The following AUTS2 variants were observed in gnomAD, a reference collection of about 807,000 sequenced individuals.
AUTS2 encodes the protein autism susceptibility gene 2 protein.
A neutral mutation model predicts 112.4 loss-of-function variants in AUTS2; 17 were observed. The ratio of observed to expected loss-of-function variants is 0.15; its 90% CI spans 0.10 to 0.23. AUTS2 has a LOEUF of 0.23. Among genes scored for constraint, AUTS2 ranks in the 10% least tolerant of loss-of-function variants. AUTS2 has a pLI of 1.00. For synonymous variants in AUTS2, 751 were observed against 702.7 expected, an observed-to-expected ratio of 1.07 and a Z score of -1.09; for missense variants, 1,510 against 1,701.6, an observed-to-expected ratio of 0.89 and a Z score of 1.98.
At chr7:69,810,150 G>A (rs1334583912) in intron 1 of AUTS2, among the ~76,000 whole-genome samples, 4 of 152,062 alleles carry the variant, frequency 2.6e-5, no homozygotes, top group Non-Finnish European at 5.9e-5. Context: ...CTCCCACCAT[G>A]CCCACCTCTC....
intron 5 of AUTS2, among the ~76,000 whole-genome samples, chr7:70,505,858 G>A (rs1798938947): frequency 6.6e-6 from 1 of 152,184 alleles, no homozygotes; most frequent in Non-Finnish European, 1.5e-5. Flanking sequence ...AGGCCGGGAT[G>A]GGGACCAAAG....
At chr7:70,396,951 T>G (rs1794112517) in intron 4 of AUTS2, among the ~76,000 whole-genome samples, 1 of 152,228 alleles carries the variant, frequency 6.6e-6, no homozygotes, top group South Asian at 2.1e-4. Flanking sequence ...AATGTCAAAC[T>G]GTTTTCCAGA....
chr7:70,608,557 T>C lies in AUTS2; in HGVS notation c.691-90012T>C, dbSNP rs113763638. On this transcript the variant is annotated intron_variant, in intron 5 of 18. Coordinates refer to ENST00000342771, the MANE Select transcript of AUTS2 (RefSeq NM_015570.4). ...TTTATTTGCTATTTTCTTATTGGGATAACTTTTTCAGAGCAGCCTCCCCCC... is the reference window on the plus strand; with the variant it reads ...TTTATTTGCTATTTTCTTATTGGGACAACTTTTTCAGAGCAGCCTCCCCCC... Among the ~76,000 whole-genome samples the C allele has an allele frequency of 6.7e-4, 102 of 152,344 alleles. 1 individual carries two copies. The highest frequency in any genetic ancestry group is 2.2e-3 in the African/African-American group (92 of 41,582).
chr7:69,642,517 G>T (rs1450407789), intron 1 of AUTS2, among the ~76,000 whole-genome samples: 1 of 152,184 alleles, frequency 6.6e-6, no homozygotes, highest in Non-Finnish European at 1.5e-5. Context: ...ATAAGCAGTT[G>T]TCTTGGTTGG....
intron 2 of AUTS2, among the ~76,000 whole-genome samples, chr7:70,110,296 A>C (rs1478939352): frequency 2.6e-5 from 4 of 152,182 alleles, no homozygotes; most frequent in African/African-American, 9.7e-5. Context: ...TGGCTGGATA[A>C]TCTGAGATCA....
chr7:69,936,499 G>A (rs374899192), intron 2 of AUTS2, among the ~76,000 whole-genome samples: 11 of 152,056 alleles, frequency 7.2e-5, no homozygotes, highest in African/African-American at 1.4e-4. Flanking sequence ...ACAGGTGCCC[G>A]CCACCACACC....
At chr7:69,778,252 T>A (rs988677149) in intron 1 of AUTS2, among the ~76,000 whole-genome samples, 2,552 of 144,204 alleles carry the variant, frequency 0.018, 33 homozygotes, top group African/African-American at 0.034. Flanking sequence ...ATATATTTTT[T>A]TTTTTTTTTA....
At chr7:69,746,177 A>G (rs1787490570) in intron 1 of AUTS2, among the ~76,000 whole-genome samples, 1 of 152,140 alleles carries the variant, frequency 6.6e-6, no homozygotes. Flanking sequence ...TGCCTGGCCT[A>G]CATCAACATT....
At chr7:70,616,753 G>GTTTTTTTT (rs67691820) in intron 5 of AUTS2, among the ~76,000 whole-genome samples, 2 of 131,302 alleles carry the variant, frequency 1.5e-5, no homozygotes, top group African/African-American at 2.8e-5. Context: ...GTGTCGAATA[G>GTTTTTTTT]TTTTTTTTTT....
chr7:70,614,774 T>C (rs1214471387), intron 5 of AUTS2, among the ~76,000 whole-genome samples: 1 of 152,192 alleles, frequency 6.6e-6, no homozygotes, highest in Non-Finnish European at 1.5e-5. Flanking sequence ...TGGTAATCTG[T>C]GCTTACAGCC....
chr7:69,632,903 G>C (rs1434516873), intron 1 of AUTS2, among the ~76,000 whole-genome samples: 2 of 151,902 alleles, frequency 1.3e-5, no homozygotes, highest in Non-Finnish European at 2.9e-5. Context: ...AAGATTATAG[G>C]ATGCATAGAG....
At chr7:70,430,421 T>G (rs1795608270) in intron 4 of AUTS2, among the ~76,000 whole-genome samples, 2 of 152,364 alleles carry the variant, frequency 1.3e-5, no homozygotes, top group East Asian at 3.9e-4. Context: ...GTTGTTTACA[T>G]GTATTAACTC....
chr7:70,192,783 T>C (rs1317033020), intron 4 of AUTS2, among the ~76,000 whole-genome samples: 2 of 152,146 alleles, frequency 1.3e-5, no homozygotes, highest in African/African-American at 4.8e-5. Flanking sequence ...AGAAACCACC[T>C]CCACTGAGAC....
chr7:70,577,119 T>G (rs1802204041), intron 5 of AUTS2, among the ~76,000 whole-genome samples: 1 of 152,224 alleles, frequency 6.6e-6, no homozygotes, highest in South Asian at 2.1e-4. Flanking sequence ...CTATGTGTTG[T>G]TTTGCTTATG....
At chr7:70,214,608 A>G (rs1395280346) in intron 4 of AUTS2, among the ~76,000 whole-genome samples, 1 of 152,170 alleles carries the variant, frequency 6.6e-6, no homozygotes, top group African/African-American at 2.4e-5. Flanking sequence ...CTGTTTGAAT[A>G]ATACATACTC....
At chr7:70,114,038 A>T (rs2058382) in intron 2 of AUTS2, among the ~76,000 whole-genome samples, 1 of 152,070 alleles carries the variant, frequency 6.6e-6, no homozygotes, top group South Asian at 2.1e-4. Context: ...AAAACAAACT[A>T]GCTTCTTATA....
intron 3 of AUTS2, 38 bp downstream of exon 3, chr7:70,118,271 ACG>A: frequency 6.6e-7 from 1 of 1,512,228 alleles, no homozygotes. Context: ...AAAAAAATTA[ACG>A]AAAACCACTA....
rs1378462424 is a variant in AUTS2 at position 70,668,227 on chromosome 7, C to T, written c.691-30342C>T. On this transcript the variant is annotated intron_variant, in intron 5 of 18. Transcript: ENST00000342771. ...CTCCGGACCTCAGATGATCTGCCTG[C>T]GTCAGCCTCCCAAAGTGCTGGGATT... Among the ~76,000 whole-genome samples the T allele has an allele frequency of 7.2e-5, 11 of 152,350 alleles. No individual in the cohort carries two copies. The South Asian group carries it at 1.7e-3, about 23-fold the overall frequency.
chr7:70,488,337 C>T (rs1798099715), intron 5 of AUTS2, among the ~76,000 whole-genome samples: 1 of 152,210 alleles, frequency 6.6e-6, no homozygotes, highest in African/African-American at 2.4e-5. Context: ...GAGAGTGCGC[C>T]AGGTGCCCTC....
Sources: allele counts gnomAD v4.1 joint callset (sites outside exome capture counted in the v4.1 genomes callset), GRCh38; gene constraint gnomAD v4.1.1; transcripts MANE v1.5; gene names NCBI Gene and HGNC (gene_info 2026-07-23, HGNC 2026-07-21).